The following ATP8B1 variants were observed in gnomAD, a reference collection of about 807,000 sequenced individuals.
The protein encoded by ATP8B1 is phospholipid-transporting ATPase IC.
Under a neutral mutation model 149.9 loss-of-function variants are expected in ATP8B1, and 80 were observed. That is an observed-to-expected ratio of 0.53 (90% CI 0.45 to 0.64). The LOEUF (loss-of-function observed/expected upper bound fraction) is 0.64, where lower values mean the gene tolerates loss of function less well. Among genes scored for constraint, ATP8B1 ranks in the 30% least tolerant of loss-of-function variants. ATP8B1 has a pLI of 0.00. For missense variants in ATP8B1, 1,247 were observed against 1,552.6 expected, an observed-to-expected ratio of 0.80 and a Z score of 3.31; for synonymous variants, 536 against 562.8, an observed-to-expected ratio of 0.95 and a Z score of 0.67.
chr18:57,756,210 TACACACACACACAC>T (rs573321061), intron 1 of ATP8B1, among the ~76,000 whole-genome samples: 5 of 109,046 alleles, frequency 4.6e-5, no homozygotes, highest in African/African-American at 2.0e-4. Context: ...TATATATATA[TACACACACACACAC>T]ACACACACAC....
At chr18:57,703,395 C>A (rs1187128442) in intron 4 of ATP8B1, among the ~76,000 whole-genome samples, 1 of 152,024 alleles carries the variant, frequency 6.6e-6, no homozygotes, top group East Asian at 1.9e-4. Flanking sequence ...CATGGTGAAA[C>A]CCTGTCTCTA....
intron 22 of ATP8B1, among the ~76,000 whole-genome samples, chr18:57,658,196 G>A (rs1009412593): frequency 6.6e-6 from 1 of 151,926 alleles, no homozygotes; most frequent in Non-Finnish European, 1.5e-5. Flanking sequence ...ACAGGTGCCC[G>A]CCACCCCCAT....
chr18:57,717,735 T>C (rs1338938969), intron 2 of ATP8B1, among the ~76,000 whole-genome samples: 1 of 151,200 alleles, frequency 6.6e-6, no homozygotes, highest in Non-Finnish European at 1.5e-5. Flanking sequence ...TTGGTTTGGT[T>C]TGGTTTGGTT....
chr18:57,715,583 T>C (rs2079576046), intron 2 of ATP8B1, among the ~76,000 whole-genome samples: 1 of 152,014 alleles, frequency 6.6e-6, no homozygotes, highest in Non-Finnish European at 1.5e-5. Context: ...ATCAAATTCC[T>C]AAAAGTCAAG....
At chr18:57,728,833 C>T (rs1265897302) in intron 2 of ATP8B1, among the ~76,000 whole-genome samples, 1 of 151,278 alleles carries the variant, frequency 6.6e-6, no homozygotes, top group Non-Finnish European at 1.5e-5. Flanking sequence ...GATTCTCCTG[C>T]CTCAGCCTCC....
intron 3 of ATP8B1, among the ~76,000 whole-genome samples, chr18:57,705,828 A>G (rs1272750181): frequency 1.3e-5 from 2 of 152,196 alleles, no homozygotes; most frequent in African/African-American, 4.8e-5. Context: ...TAAAACACAC[A>G]TCTTACAACA....
chr18:57,773,326 G>T (rs934107134), intron 1 of ATP8B1, among the ~76,000 whole-genome samples: 10 of 152,144 alleles, frequency 6.6e-5, no homozygotes, highest in African/African-American at 2.2e-4. Context: ...GGCAACAGGG[G>T]CCAAAGGCGG....
chr18:57,767,217 C>CA (rs1299632462), intron 1 of ATP8B1, among the ~76,000 whole-genome samples: 1 of 152,156 alleles, frequency 6.6e-6, no homozygotes, highest in Non-Finnish European at 1.5e-5. Flanking sequence ...CGGGAGAAGG[C>CA]ATAGGTCCAG....
intron 1 of ATP8B1, among the ~76,000 whole-genome samples, chr18:57,783,553 A>C (rs950182024): frequency 2.0e-5 from 3 of 152,172 alleles, no homozygotes; most frequent in African/African-American, 7.2e-5. Context: ...AGGAAATTGA[A>C]GACCGGGCAT....
At chr18:57,703,777 A>G (rs1279492829) in intron 4 of ATP8B1, among the ~76,000 whole-genome samples, 3 of 152,110 alleles carry the variant, frequency 2.0e-5, no homozygotes, top group Admixed American at 6.6e-5. Context: ...AGGAAAAAAA[A>G]TTTTTAAGTA....
chr18:57,650,156 T>C (rs1440326825), intron 27 of ATP8B1, among the ~76,000 whole-genome samples: 1 of 152,250 alleles, frequency 6.6e-6, no homozygotes, highest in Non-Finnish European at 1.5e-5. Flanking sequence ...CTTTTTTGTT[T>C]ATGTTTGGTA....
At position 57,797,463 on chromosome 18, in the gene ATP8B1, C is replaced by T. The variant is rs553120661; in HGVS notation, c.-26+5535G>A. 2.0e-5 allele frequency among the ~76,000 whole-genome samples: 3 copies of T among 152,332 alleles called. No homozygotes were observed. In the South Asian group the frequency reaches 6.2e-4, roughly 32 times the overall value. On this transcript the variant is annotated intron_variant, in intron 1 of 27. Coordinates refer to ENST00000648908, the MANE Select transcript of ATP8B1 (RefSeq NM_001374385.1). ...CAGGAACAGAGGTGACCCTCCCCTC[C>T]AGGAGTCAATGTCAGACTGAGAGCT...
intron 15 of ATP8B1, among the ~76,000 whole-genome samples, chr18:57,676,942 T>G (rs530240257): frequency 6.6e-6 from 1 of 152,070 alleles, no homozygotes; most frequent in Non-Finnish European, 1.5e-5. Flanking sequence ...AGCCCAGGAG[T>G]GTGAGGTTAC....
chr18:57,713,157 C>CTT lies in ATP8B1; in HGVS notation c.182-6571_182-6570insAA, dbSNP rs1170906202. ...GTGCTTTGTCTTGCTCTTGATCTTT[C>CTT]TCTTTCTTTCTTTCTTTCTTTCTTT... On this transcript the variant is annotated intron_variant, in intron 2 of 27. Coordinates refer to ENST00000648908, the MANE Select transcript of ATP8B1 (RefSeq NM_001374385.1). Among the ~76,000 whole-genome samples the CTT allele has an allele frequency of 2.1e-3, 190 of 92,092 alleles. 3 individuals carry two copies. Among genetic ancestry groups the CTT allele is most frequent in the African/African-American group, 8.8e-3 (185 of 20,946 alleles). The allele number at this position is 92,092 out of a possible 152,430, so 60.4% of individuals were successfully genotyped here.
chr18:57,702,876 G>A (rs928082365), intron 4 of ATP8B1, among the ~76,000 whole-genome samples: 1 of 150,148 alleles, frequency 6.7e-6, no homozygotes, highest in Non-Finnish European at 1.5e-5. Flanking sequence ...AAAAAAAAGA[G>A]AGAGAGAAGA....
rs2080581930 is a variant in ATP8B1 at position 57,802,068 on chromosome 18, C to G, written c.-26+930G>C. ...CTCCGAGCACCGCCCCCCCCCGCAA[C>G]CAGCCACCAACCCCCGGCAGGGACC... On this transcript the variant is annotated intron_variant, in intron 1 of 27. Coordinates refer to ENST00000648908, the MANE Select transcript of ATP8B1 (RefSeq NM_001374385.1). The surrounding 1 kb of genome is among the most constrained non-coding windows in gnomAD (Gnocchi z 4.9). 7.1e-6 allele frequency: 1 copy of G among 141,220 alleles called. No homozygotes were observed. Among genetic ancestry groups the G allele is most frequent in the Admixed American group, 7.0e-5 (1 of 14,300 alleles). The allele number at this position is 141,220 out of a possible 1,614,324, so 8.7% of individuals were successfully genotyped here.
chr18:57,674,935 G>A lies in ATP8B1; in HGVS notation c.1718C>T (p.Thr573Ile). The A allele has an allele frequency of 2.5e-6, 4 of 1,614,256 alleles. No individual in the cohort carries two copies. Among genetic ancestry groups the A allele is most frequent in the Non-Finnish European group, 3.4e-6 (4 of 1,180,052 alleles). Residue 573 changes from threonine (T) to isoleucine (I), a missense_variant, in exon 16 of 28, where the codon ACC becomes ATC. Transcript: ENST00000648908. ...RNFGFAFLARTQNTITISELG... is the reference protein window; with the variant it reads ...RNFGFAFLARIQNTITISELG... ...TTCACTGATGGTGATGGTGTTCTGGGTCCTGGCGAGGAAGGCAAAGCCAAA... is the reference window on the plus strand; with the variant it reads ...TTCACTGATGGTGATGGTGTTCTGGATCCTGGCGAGGAAGGCAAAGCCAAA...
chr18:57,689,794 G>T (rs1287142274), intron 12 of ATP8B1, among the ~76,000 whole-genome samples: 1 of 152,148 alleles, frequency 6.6e-6, no homozygotes, highest in African/African-American at 2.4e-5. Context: ...GAGGTGGGCG[G>T]ATCATGAGGT....
chr18:57,651,608 A>G (rs932607868), intron 26 of ATP8B1, among the ~76,000 whole-genome samples: 10 of 151,978 alleles, frequency 6.6e-5, no homozygotes, highest in African/African-American at 2.4e-4. Flanking sequence ...AATAATTTGT[A>G]TATATTTGTT....
Sources: allele counts gnomAD v4.1 joint callset (sites outside exome capture counted in the v4.1 genomes callset), GRCh38; gene constraint gnomAD v4.1.1; non-coding constraint Gnocchi (gnomAD v3.1); transcripts MANE v1.5; gene names NCBI Gene and HGNC (gene_info 2026-07-23, HGNC 2026-07-21).